PBX1: variants seen among roughly 807,000 people sequenced by gnomAD.
PBX1 encodes the protein PBX homeobox 1.
A neutral mutation model predicts 53.4 loss-of-function variants in PBX1; 6 were observed. That is an observed-to-expected ratio of 0.11 (90% CI 0.06 to 0.22). The LOEUF (loss-of-function observed/expected upper bound fraction) is 0.22. PBX1 is among the 10% of genes least tolerant of loss of function. The pLI, the probability that PBX1 is intolerant of heterozygous loss-of-function variation, is 1.00. For missense variants in PBX1, 251 were observed against 551.4 expected, an observed-to-expected ratio of 0.46 and a Z score of 5.46; for synonymous variants, 204 against 212.3, an observed-to-expected ratio of 0.96 and a Z score of 0.34.
chr1:164,668,706 G>A (rs1054055125), intron 2 of PBX1, among the ~76,000 whole-genome samples: 2 of 152,198 alleles, frequency 1.3e-5, no homozygotes, highest in Non-Finnish European at 2.9e-5. Context: ...TATCAGATGA[G>A]CTTGGCACTG....
intron 2 of PBX1, among the ~76,000 whole-genome samples, chr1:164,728,094 G>GT (rs1436031008): frequency 1.3e-5 from 2 of 152,172 alleles, no homozygotes; most frequent in African/African-American, 4.8e-5. Context: ...GGAGGCCAGA[G>GT]TGGGAGAATT....
At chr1:164,755,304 C>T (rs1027272636) in intron 2 of PBX1, among the ~76,000 whole-genome samples, 12 of 152,132 alleles carry the variant, frequency 7.9e-5, no homozygotes, top group Non-Finnish European at 1.8e-4. Flanking sequence ...CATGCACCAC[C>T]ATGGCCAGCT....
intron 2 of PBX1, among the ~76,000 whole-genome samples, chr1:164,860,210 C>T (rs564397032): frequency 2.2e-4 from 33 of 152,248 alleles, no homozygotes; most frequent in Middle Eastern, 3.4e-3. Flanking sequence ...CTCCACCTTC[C>T]CCCAAGTCAT....
chr1:164,722,789 A>T (rs1321159723), intron 2 of PBX1, among the ~76,000 whole-genome samples: 1 of 147,352 alleles, frequency 6.8e-6, no homozygotes, highest in Non-Finnish European at 1.5e-5. Context: ...TATGAACTTC[A>T]CAAAGGGTGC....
intron 2 of PBX1, among the ~76,000 whole-genome samples, chr1:164,581,683 G>A (rs1024749422): frequency 6.6e-6 from 1 of 152,032 alleles, no homozygotes; most frequent in Admixed American, 6.6e-5. Flanking sequence ...AAAAGTTCAA[G>A]GCATTTCATG....
At chr1:164,714,142 C>T (rs896667383) in intron 2 of PBX1, among the ~76,000 whole-genome samples, 1 of 152,242 alleles carries the variant, frequency 6.6e-6, no homozygotes, top group South Asian at 2.1e-4. Flanking sequence ...GAAGTAAGCA[C>T]TGATAAGCCA....
chr1:164,695,022 G>T lies in PBX1; in HGVS notation c.266-97472G>T, dbSNP rs200104855. Among the ~76,000 whole-genome samples the T allele has an allele frequency of 4.6e-5, 7 of 152,092 alleles. No homozygotes were observed. In the East Asian group the frequency reaches 1.4e-3, roughly 29 times the overall value. The stretch of plus-strand genomic sequence containing the variant: ...CCTTATTCAAAATTCTTTGATGGAG[G>T]TCCCATTGTCAAAAGCTGCAGTCCT... On this transcript the variant is annotated intron_variant, in intron 2 of 8. Transcript: ENST00000420696.
At chr1:164,715,862 G>A (rs1417735561) in intron 2 of PBX1, among the ~76,000 whole-genome samples, 1 of 152,160 alleles carries the variant, frequency 6.6e-6, no homozygotes, top group Non-Finnish European at 1.5e-5. Flanking sequence ...AACTCGCACT[G>A]GCCAGGACCA....
intron 8 of PBX1, among the ~76,000 whole-genome samples, chr1:164,835,239 G>GTT (rs71670294): frequency 2.9e-5 from 4 of 136,142 alleles, no homozygotes; most frequent in Non-Finnish European, 4.8e-5. Flanking sequence ...TTTGATTTTG[G>GTT]TTTTTTTTTT....
At chr1:164,716,729 C>CACACACAG (rs796685795) in intron 2 of PBX1, among the ~76,000 whole-genome samples, 34 of 140,472 alleles carry the variant, frequency 2.4e-4, no homozygotes, top group African/African-American at 8.6e-4. Flanking sequence ...CACACACACA[C>CACACACAG]AGAAATACAC....
intron 2 of PBX1, among the ~76,000 whole-genome samples, chr1:164,707,418 T>TGTGTGAGAGAGAGAGAGAGAGAGA (rs58617739): frequency 2.5e-5 from 3 of 118,264 alleles, no homozygotes; most frequent in African/African-American, 1.1e-4. Context: ...TGTGTGTGTG[T>TGTGTGAGAGAGAGAGAGAGAGAGA]GAGAGAGAGA....
chr1:164,841,090 G>T lies in PBX1; in HGVS notation c.1201-5494G>T, dbSNP rs143983002. Among the ~76,000 whole-genome samples the T allele has an allele frequency of 6.1e-3, 936 of 152,306 alleles. 8 individuals are homozygous for T. Among genetic ancestry groups the T allele is most frequent in the African/African-American group, 0.021 (865 of 41,562 alleles). ...ATGGTCGGGTAGGTGAAACCGACGTGTGAAGGAACACACGCAATACAGCAG... is the reference window on the plus strand; with the variant it reads ...ATGGTCGGGTAGGTGAAACCGACGTTTGAAGGAACACACGCAATACAGCAG... On this transcript the variant is annotated intron_variant, in intron 8 of 8. Coordinates refer to ENST00000420696, the MANE Select transcript of PBX1 (RefSeq NM_002585.4).
chr1:164,858,173 C>T (rs1001771286), intron 2 of PBX1, among the ~76,000 whole-genome samples: 1 of 151,960 alleles, frequency 6.6e-6, no homozygotes, highest in Non-Finnish European at 1.5e-5. Flanking sequence ...TTCACTTTTC[C>T]ACTGCTCCTA....
At chr1:164,594,162 A>G (rs1655593447) in intron 2 of PBX1, among the ~76,000 whole-genome samples, 1 of 152,226 alleles carries the variant, frequency 6.6e-6, no homozygotes, top group South Asian at 2.1e-4. Context: ...GAGCCTCTAT[A>G]AAGACATGAT....
At chr1:164,781,765 C>CT (rs1238782579) in intron 2 of PBX1, among the ~76,000 whole-genome samples, 1 of 152,190 alleles carries the variant, frequency 6.6e-6, no homozygotes, top group Non-Finnish European at 1.5e-5. Context: ...AGAGAGGCCC[C>CT]TCTAATGACC....
chr1:164,679,417 C>G (rs1487555271), intron 2 of PBX1, among the ~76,000 whole-genome samples: 1 of 152,146 alleles, frequency 6.6e-6, no homozygotes, highest in Non-Finnish European at 1.5e-5. Context: ...TCTTGGGGAC[C>G]TTAGTAGGAG....
At chr1:164,765,044 C>T (rs962539023) in intron 2 of PBX1, among the ~76,000 whole-genome samples, 5 of 152,250 alleles carry the variant, frequency 3.3e-5, no homozygotes, top group African/African-American at 7.2e-5. Flanking sequence ...TTAAAATACC[C>T]TTCCTCCACC....
chr1:164,805,615 C>A (rs772606280), intron 4 of PBX1, among the ~76,000 whole-genome samples: 21 of 151,866 alleles, frequency 1.4e-4, no homozygotes, highest in Non-Finnish European at 2.6e-4. Flanking sequence ...AATTAGGGAG[C>A]CTTCAGGGTC....
chr1:164,754,334 G>A (rs894649792), intron 2 of PBX1, among the ~76,000 whole-genome samples: 19 of 152,196 alleles, frequency 1.2e-4, no homozygotes, highest in African/African-American at 4.6e-4. Flanking sequence ...AAGAGCCGCA[G>A]TAGGAGCCAA....
Sources: allele counts gnomAD v4.1 joint callset (sites outside exome capture counted in the v4.1 genomes callset), GRCh38; gene constraint gnomAD v4.1.1; transcripts MANE v1.5; gene names NCBI Gene and HGNC (gene_info 2026-07-23, HGNC 2026-07-21).